The following GNB1L variants were observed in gnomAD, a reference collection of about 807,000 sequenced individuals.
GNB1L encodes the protein guanine nucleotide-binding protein subunit beta-like protein 1.
A neutral mutation model predicts 29.1 loss-of-function variants in GNB1L; 20 were observed. That is an observed-to-expected ratio of 0.69 (90% CI 0.48 to 1.00). The LOEUF (loss-of-function observed/expected upper bound fraction) is 1.00. GNB1L is among the 50% of genes least tolerant of loss of function. The probability of loss-of-function intolerance (pLI) is 0.00; values close to 1 mark genes in which losing one functional copy is unlikely to be tolerated. For missense variants in GNB1L, 421 were observed against 464.9 expected (o/e 0.91, Z 0.87); for synonymous variants, 193 against 206.5 (o/e 0.93, Z 0.56).
intron 2 of GNB1L, chr22:19,846,784 G>A (rs979518786): frequency 3.7e-5 from 16 of 428,562 alleles, no homozygotes; most frequent in Non-Finnish European, 4.7e-5. Context: ...GCAGGCCAAG[G>A]AGCGAGGCCT....
At chr22:19,824,913 C>G (rs1937607834) in intron 2 of GNB1L, among the ~76,000 whole-genome samples, 1 of 152,226 alleles carries the variant, frequency 6.6e-6, no homozygotes, top group Admixed American at 6.5e-5. Context: ...CCAGACAGGC[C>G]TCAGCTCAGC....
At chr22:19,848,892 G>A in intron 2 of GNB1L, 1 of 985,398 alleles carries the variant, frequency 1.0e-6, no homozygotes. Context: ...TGTGGGACAG[G>A]GTAAAGGTCA....
intron 2 of GNB1L, among the ~76,000 whole-genome samples, chr22:19,824,207 C>T (rs889396348): frequency 6.6e-6 from 1 of 152,260 alleles, no homozygotes; most frequent in Admixed American, 6.5e-5. Flanking sequence ...CTAATTAATT[C>T]TAGCTACATA....
intron 2 of GNB1L, among the ~76,000 whole-genome samples, chr22:19,831,623 G>A (rs1420975456): frequency 2.0e-5 from 3 of 151,300 alleles, no homozygotes; most frequent in African/African-American, 7.3e-5. Flanking sequence ...CCCGGGAGGC[G>A]GAGCTTGTAG....
intron 7 of GNB1L, 112 bp downstream of exon 7, chr22:19,801,889 T>G: frequency 1.1e-6 from 1 of 929,094 alleles, no homozygotes; most frequent in Non-Finnish European, 1.6e-6. Context: ...CTCCAAGTGA[T>G]TAATTAGCCA....
At chr22:19,807,980 C>G (rs1333996593) in intron 5 of GNB1L, among the ~76,000 whole-genome samples, 1 of 152,214 alleles carries the variant, frequency 6.6e-6, no homozygotes, top group South Asian at 2.1e-4. Context: ...TGCTGAGGCG[C>G]CCACCTCCAG....
At chr22:19,808,597 C>T (rs1269003660) in intron 5 of GNB1L, among the ~76,000 whole-genome samples, 1 of 152,222 alleles carries the variant, frequency 6.6e-6, no homozygotes, top group Non-Finnish European at 1.5e-5. Context: ...AATATAGGAA[C>T]ATTGATGTCC....
chr22:19,808,686 G>A (rs1309654125), intron 5 of GNB1L, among the ~76,000 whole-genome samples: 8 of 152,366 alleles, frequency 5.3e-5, no homozygotes, highest in African/African-American at 9.6e-5. Flanking sequence ...GGGCTTAGCC[G>A]TTCTTTGTCT....
At chr22:19,798,562 G>GA in intron 7 of GNB1L, among the ~76,000 whole-genome samples, 1 of 152,312 alleles carries the variant, frequency 6.6e-6, no homozygotes, top group East Asian at 1.9e-4. Context: ...TTCCGTAGAA[G>GA]TCCTGACCAG....
chr22:19,852,244 G>A, intron 2 of GNB1L: 2 of 1,608,024 alleles, frequency 1.2e-6, no homozygotes, highest in Non-Finnish European at 1.7e-6. Context: ...CCTGCTGACG[G>A]CACCGGCCAC....
chr22:19,849,375 T>G (rs1030366447), intron 2 of GNB1L: 60 of 870,410 alleles, frequency 6.9e-5, no homozygotes, highest in East Asian at 1.3e-4. Flanking sequence ...TTTTGTTGTT[T>G]TTTTTTTTTT....
intron 2 of GNB1L, chr22:19,848,517 C>A: frequency 6.1e-6 from 6 of 985,504 alleles, no homozygotes; most frequent in Non-Finnish European, 7.2e-6. Flanking sequence ...GAAGGCCATG[C>A]CAGAGTCCAT....
chr22:19,826,668 A>C (rs1937621863), intron 2 of GNB1L, among the ~76,000 whole-genome samples: 2 of 152,218 alleles, frequency 1.3e-5, no homozygotes, highest in Admixed American at 1.3e-4. Flanking sequence ...TTACTCTCCA[A>C]ACTGTTTACT....
chr22:19,836,505 AAGAG>A (rs1937767110), intron 2 of GNB1L, among the ~76,000 whole-genome samples: 1 of 152,240 alleles, frequency 6.6e-6, no homozygotes, highest in Non-Finnish European at 1.5e-5. Context: ...AAAACAGAAA[AAGAG>A]AGAACATTTC....
At chr22:19,844,022 C>T (rs914674607) in intron 2 of GNB1L, among the ~76,000 whole-genome samples, 2 of 152,078 alleles carry the variant, frequency 1.3e-5, no homozygotes, top group African/African-American at 4.8e-5. Context: ...GGCCCAGGTG[C>T]CCCAGGGCTG....
intron 2 of GNB1L, among the ~76,000 whole-genome samples, chr22:19,832,957 A>G (rs1441811318): frequency 6.6e-6 from 1 of 152,228 alleles, no homozygotes; most frequent in Non-Finnish European, 1.5e-5. Flanking sequence ...GCAGCATGTC[A>G]AAAGCTCTGA....
intron 2 of GNB1L, chr22:19,852,050 G>A (rs1938117938): frequency 6.2e-7 from 1 of 1,614,102 alleles, no homozygotes; most frequent in Non-Finnish European, 8.5e-7. Context: ...ACCGCCACAA[G>A]TGCCACTAGC....
At chr22:19,851,801 G>A (rs1490136702) in intron 2 of GNB1L, 9 of 1,613,936 alleles carry the variant, frequency 5.6e-6, no homozygotes, top group Non-Finnish European at 7.6e-6. Context: ...GTAGGGGGCT[G>A]CCCAGGCCTG....
At chr22:19,817,992 C>T (rs1460035489) in intron 4 of GNB1L, among the ~76,000 whole-genome samples, 1 of 152,256 alleles carries the variant, frequency 6.6e-6, no homozygotes, top group East Asian at 1.9e-4. Flanking sequence ...AACATGAAAG[C>T]CATCACTTCC....
Sources: allele counts gnomAD v4.1 joint callset (sites outside exome capture counted in the v4.1 genomes callset), GRCh38; gene constraint gnomAD v4.1.1; transcripts MANE v1.5; gene names NCBI Gene and HGNC (gene_info 2026-07-23, HGNC 2026-07-21).